RCOR1: variants seen among roughly 807,000 people sequenced by gnomAD.
RCOR1 encodes the protein REST corepressor 1.
RCOR1 carries 12 observed loss-of-function variants against 64.0 expected under a neutral mutation model. That is an observed-to-expected ratio of 0.19 (90% CI 0.12 to 0.30). RCOR1 has a LOEUF of 0.30. Ranked by LOEUF, RCOR1 falls within the 10% of genes least tolerant of loss-of-function variation. The probability of loss-of-function intolerance (pLI) is 1.00; values close to 1 mark genes in which losing one functional copy is unlikely to be tolerated. For missense variants in RCOR1, 502 were observed against 621.2 expected (o/e 0.81, Z 2.04); for synonymous variants, 279 against 227.2 (o/e 1.23, Z -2.05).
At position 102,722,261 on chromosome 14, in the gene RCOR1, A is replaced by G; in HGVS notation, c.1264A>G (p.Asn422Asp). The G allele has an allele frequency of 6.2e-7, 1 of 1,614,216 alleles. No homozygotes were observed. Among genetic ancestry groups the G allele is most frequent in the Non-Finnish European group, 8.5e-7 (1 of 1,180,042 alleles). ...GAACAAATCAGTGGTACAAGTGAAA[A>G]ACTTTTTTGTAAATTATCGACGCCG... The part of the protein sequence containing the change: ...IGNKSVVQVK[N>D]FFVNYRRRFN... Residue 422 changes from asparagine to aspartate, a missense_variant, in exon 11 of 12, where the codon AAC becomes GAC. Physicochemically the swap from Asn to Asp is conservative, Grantham distance 23. Coordinates refer to ENST00000262241, the MANE Select transcript of RCOR1 (RefSeq NM_015156.4).
In RCOR1 at chr14:102,708,527, T is replaced by C. The variant is rs201583671; in HGVS notation, c.723T>C (p.Thr241=). 1.9e-6 allele frequency: 3 copies of C among 1,613,052 alleles called. No individual in the cohort carries two copies. The highest frequency in any genetic ancestry group is 2.5e-6 in the Non-Finnish European group (3 of 1,179,132). ...KFYYSWKKTR[T]KTSVMDRHAR... ...ACTATTCTTGGAAGAAGACGAGGAC[T>C]AAAACTAGTGTGATGGATCGCCATG... Residue 241 remains threonine (T), a synonymous_variant, in exon 6 of 12, where the codon ACT becomes ACC. Transcript: ENST00000262241.
At chr14:102,691,246 G>A (rs1215907845) in intron 3 of RCOR1, among the ~76,000 whole-genome samples, 1 of 151,962 alleles carries the variant, frequency 6.6e-6, no homozygotes, top group African/African-American at 2.4e-5. Flanking sequence ...TTACAAGTGG[G>A]AGCTAAACAT....
intron 2 of RCOR1, among the ~76,000 whole-genome samples, chr14:102,679,616 C>T (rs577037953): frequency 1.2e-3 from 184 of 152,140 alleles, no homozygotes; most frequent in Non-Finnish European, 2.1e-3. Context: ...GTAGCTGGGA[C>T]TACAGGCGCC....
chr14:102,646,016 G>A (rs941264346), intron 2 of RCOR1, among the ~76,000 whole-genome samples: 1 of 151,708 alleles, frequency 6.6e-6, no homozygotes, highest in African/African-American at 2.4e-5. Context: ...ACTTAGTCTT[G>A]GAAGTTACAT....
chr14:102,649,483 T>G (rs538304910), intron 2 of RCOR1, among the ~76,000 whole-genome samples: 6 of 152,286 alleles, frequency 3.9e-5, no homozygotes, highest in Non-Finnish European at 7.4e-5. Context: ...CATCCTCTCT[T>G]GTAGTTTGTC....
intron 3 of RCOR1, among the ~76,000 whole-genome samples, chr14:102,697,756 T>C (rs969834654): frequency 2.0e-5 from 3 of 151,688 alleles, no homozygotes; most frequent in Admixed American, 6.6e-5. Flanking sequence ...GGTCTCGCTC[T>C]GTTGCCCAGG....
chr14:102,626,755 A>G (rs1163021713), intron 2 of RCOR1, among the ~76,000 whole-genome samples: 1 of 152,194 alleles, frequency 6.6e-6, no homozygotes, highest in Non-Finnish European at 1.5e-5. Context: ...CTGAGTTCAT[A>G]TGATCCTCCC....
intron 2 of RCOR1, among the ~76,000 whole-genome samples, chr14:102,646,339 A>G (rs939289511): frequency 1.3e-5 from 2 of 152,248 alleles, no homozygotes; most frequent in African/African-American, 4.8e-5. Context: ...AGAAAAAGCC[A>G]TAACAGTCTA....
At chr14:102,641,024 C>A (rs1411554634) in intron 2 of RCOR1, among the ~76,000 whole-genome samples, 1 of 152,112 alleles carries the variant, frequency 6.6e-6, no homozygotes, top group Non-Finnish European at 1.5e-5. Context: ...GAGGCTGAGG[C>A]AGGTGGATCA....
At chr14:102,594,360 GAT>G (rs138419543) in intron 2 of RCOR1, among the ~76,000 whole-genome samples, 95,078 of 151,842 alleles carry the variant, frequency 0.63, 30,826 homozygotes, top group South Asian at 0.72. Flanking sequence ...TATTTGAAAA[GAT>G]AAACGCATAC....
chr14:102,600,196 C>T (rs1272613128), intron 2 of RCOR1, among the ~76,000 whole-genome samples: 1 of 150,926 alleles, frequency 6.6e-6, no homozygotes, highest in Non-Finnish European at 1.5e-5. Flanking sequence ...ACGCCCTTCT[C>T]CTGCCTCAGC....
chr14:102,620,020 T>C (rs1156915032), intron 2 of RCOR1, among the ~76,000 whole-genome samples: 1 of 152,216 alleles, frequency 6.6e-6, no homozygotes, highest in East Asian at 1.9e-4. Context: ...CTTCCACAGT[T>C]CCTGTCTTCC....
intron 2 of RCOR1, among the ~76,000 whole-genome samples, chr14:102,680,657 T>C (rs1019071849): frequency 2.4e-4 from 37 of 151,982 alleles, no homozygotes; most frequent in Admixed American, 3.9e-4. Context: ...AATAAAAAAT[T>C]AGCTGGGTGT....
At chr14:102,604,363 C>T (rs1458214473) in intron 2 of RCOR1, among the ~76,000 whole-genome samples, 1 of 152,130 alleles carries the variant, frequency 6.6e-6, no homozygotes, top group African/African-American at 2.4e-5. Context: ...AGGGATTTGC[C>T]ACTCCTTATA....
chr14:102,619,509 C>G (rs922677965), intron 2 of RCOR1, among the ~76,000 whole-genome samples: 14 of 128,672 alleles, frequency 1.1e-4, no homozygotes, highest in African/African-American at 3.4e-4. Context: ...GAGTCAGGTT[C>G]TTGCTCTGTT....
At chr14:102,613,516 T>C (rs1893680112) in intron 2 of RCOR1, among the ~76,000 whole-genome samples, 1 of 148,962 alleles carries the variant, frequency 6.7e-6, no homozygotes, top group African/African-American at 2.5e-5. Flanking sequence ...CACTGCAAGC[T>C]CCGCCTTCCG....
At chr14:102,680,329 C>A (rs1895278588) in intron 2 of RCOR1, among the ~76,000 whole-genome samples, 1 of 152,082 alleles carries the variant, frequency 6.6e-6, no homozygotes. Flanking sequence ...TTGATTGTAC[C>A]TTTCCACTGT....
intron 2 of RCOR1, chr14:102,655,564 G>C: frequency 1.2e-6 from 1 of 869,510 alleles, no homozygotes; most frequent in South Asian, 5.3e-5. Context: ...GCTCATATTT[G>C]TGAAAGTGTC....
chr14:102,655,891 T>C (rs2139934598), intron 2 of RCOR1: 1 of 723,116 alleles, frequency 1.4e-6, no homozygotes, highest in Non-Finnish European at 1.7e-6. Context: ...AGGTGGAGGT[T>C]GCGGTCAGTC....
Sources: allele counts gnomAD v4.1 joint callset (sites outside exome capture counted in the v4.1 genomes callset), GRCh38; gene constraint gnomAD v4.1.1; transcripts MANE v1.5; gene names NCBI Gene and HGNC (gene_info 2026-07-23, HGNC 2026-07-21).